The following DOP1A variants were observed in gnomAD, a reference collection of about 807,000 sequenced individuals.
DOP1A encodes DOP1 leucine zipper like protein A.
DOP1A carries 90 observed loss-of-function variants against 267.6 expected under a neutral mutation model. That is an observed-to-expected ratio of 0.34 (90% CI 0.28 to 0.40). DOP1A has a LOEUF of 0.40. Ranked by LOEUF, DOP1A falls within the 10% of genes least tolerant of loss-of-function variation. The pLI is 1.00. For missense variants in DOP1A, 2,437 were observed against 2,900.4 expected, an observed-to-expected ratio of 0.84 and a Z score of 3.67; for synonymous variants, 932 against 999.1, an observed-to-expected ratio of 0.93 and a Z score of 1.27.
Position 83,137,346 on chromosome 6 carries a change from CAGAT to C in DOP1A, c.3308_3311del (p.Ile1103LysfsTer19), listed in dbSNP as rs1354828703. On this transcript the variant is annotated frameshift_variant, in exon 21 of 39. Transcript: ENST00000349129. LOFTEE classifies it high-confidence loss of function. Reference sequence around the variant, plus strand: ...GTCTGATTTTGATCTTCCAGACCAACAGATAGAAATACTTCAGAGTTCTGACTCG... The same window carrying C: ...GTCTGATTTTGATCTTCCAGACCAACAGAAATACTTCAGAGTTCTGACTCG... The C allele has an allele frequency of 6.2e-7, 1 of 1,613,692 alleles. No homozygotes were observed. The highest frequency in any genetic ancestry group is 8.5e-7 in the Non-Finnish European group (1 of 1,179,822).
At chr6:83,068,613 A>G (rs1785092667) in intron 1 of DOP1A, among the ~76,000 whole-genome samples, 1 of 152,246 alleles carries the variant, frequency 6.6e-6, no homozygotes, top group East Asian at 1.9e-4. Context: ...CCTGACAAAT[A>G]GGCCCTGAAC....
At position 83,107,897 on chromosome 6, in the gene DOP1A, T is replaced by C. The variant is rs570053551; in HGVS notation, c.321-1013T>C. Among the ~76,000 whole-genome samples, 16 of 152,246 alleles carry C rather than the reference T, an allele frequency of 1.1e-4. 2 individuals are homozygous for C. The South Asian group carries it at 3.3e-3, about 32-fold the overall frequency. ...TGGAGCAGAGGGTACAGGAGTAAAA[T>C]TGGTGAGTATCAGTGGATTGTACAG... is the stretch of plus-strand genomic sequence containing the variant. On this transcript the variant is annotated intron_variant, in intron 4 of 38. Coordinates refer to ENST00000349129, the MANE Select transcript of DOP1A (RefSeq NM_015018.4).
At chr6:83,102,191 G>T (rs1772713087) in intron 4 of DOP1A, among the ~76,000 whole-genome samples, 1 of 152,146 alleles carries the variant, frequency 6.6e-6, no homozygotes, top group Non-Finnish European at 1.5e-5. Flanking sequence ...CTGTATTAAA[G>T]CTCAATAAAT....
At position 83,138,120 on chromosome 6, in the gene DOP1A, T is replaced by C. The variant is rs1779120415; in HGVS notation, c.4078T>C (p.Phe1360Leu). The change falls in exon 21 of 39, where the codon TTC becomes CTC. Residue 1360 changes from phenylalanine to leucine, a missense_variant. By Grantham distance (22) the Phe-to-Leu change is conservative (BLOSUM62 0). This residue lies in a region of DOP1A where 878 missense variants were observed against 992.9 expected (regional missense o/e 0.88). Coordinates refer to ENST00000349129, the MANE Select transcript of DOP1A (RefSeq NM_015018.4). Reference sequence around the variant, plus strand: ...TCCAGGATCTCGAAAATCTCCCAATTTCAACATTCATCCTCTCTATCAACA... The same window carrying C: ...TCCAGGATCTCGAAAATCTCCCAATCTCAACATTCATCCTCTCTATCAACA... ...GSPGSRKSPNFNIHPLYQHVL... is the reference protein window; with the variant it reads ...GSPGSRKSPNLNIHPLYQHVL... 6.2e-7 allele frequency: 1 copy of C among 1,613,922 alleles called. No homozygotes were observed. The highest frequency in any genetic ancestry group is 8.5e-7 in the Non-Finnish European group (1 of 1,179,886).
chr6:83,136,247 A>G (rs1363847040), intron 20 of DOP1A, among the ~76,000 whole-genome samples: 1 of 152,146 alleles, frequency 6.6e-6, no homozygotes, highest in East Asian at 1.9e-4. Flanking sequence ...TTTGTATTTC[A>G]TGAGTCATTT....
chr6:83,142,186 T>C lies in DOP1A; in HGVS notation c.5541+140T>C, dbSNP rs572459040. ...TCTGTCGACAGCTTTAGATAAATTG[T>C]TGCCTTAATTTCTTTAAGTATTGAT... On this transcript the variant is annotated intron_variant, in intron 24 of 38. Transcript: ENST00000349129. 1.2e-5 allele frequency: 13 copies of C among 1,088,376 alleles called. No individual in the cohort carries two copies. In the East Asian group the frequency reaches 3.0e-4, roughly 25 times the overall value. The allele number at this position is 1,088,376 out of a possible 1,614,324, so 67.4% of individuals were successfully genotyped here.
chr6:83,080,850 T>A (rs2128027023), intron 1 of DOP1A, among the ~76,000 whole-genome samples: 1 of 152,224 alleles, frequency 6.6e-6, no homozygotes, highest in Admixed American at 6.5e-5. Flanking sequence ...ACAGATTCAA[T>A]ACAATTCCTA....
chr6:83,072,312 CAA>C (rs1036570587), intron 1 of DOP1A, among the ~76,000 whole-genome samples: 34 of 141,508 alleles, frequency 2.4e-4, no homozygotes, highest in African/African-American at 8.3e-4. Flanking sequence ...TAACGGTTTC[CAA>C]AAAAAAAAAA....
chr6:83,078,686 C>T (rs1484049409), intron 1 of DOP1A, among the ~76,000 whole-genome samples: 1 of 152,104 alleles, frequency 6.6e-6, no homozygotes, highest in Non-Finnish European at 1.5e-5. Flanking sequence ...AACAGAGGTA[C>T]TGTGAAATGG....
At chr6:83,130,783 G>C (rs1487191275) in intron 17 of DOP1A, among the ~76,000 whole-genome samples, 2 of 151,488 alleles carry the variant, frequency 1.3e-5, no homozygotes, top group Non-Finnish European at 2.9e-5. Context: ...CTGTCAGATA[G>C]GCTGGAGTGC....
intron 1 of DOP1A, chr6:83,072,827 CA>C (rs1785843439): frequency 6.2e-6 from 1 of 161,104 alleles, no homozygotes; most frequent in Non-Finnish European, 1.4e-5. Flanking sequence ...TTATATACCC[CA>C]AATGCCATCG....
intron 1 of DOP1A, among the ~76,000 whole-genome samples, chr6:83,089,352 C>T (rs921503792): frequency 6.6e-6 from 1 of 152,134 alleles, no homozygotes; most frequent in African/African-American, 2.4e-5. Context: ...ATCTGTACTA[C>T]CTACTAATTT....
In DOP1A at chr6:83,153,647, A is replaced by T; in HGVS notation, c.6239+27A>T. 2.6e-6 allele frequency: 4 copies of T among 1,515,030 alleles called. No homozygotes were observed. The South Asian group carries it at 3.8e-5, about 14-fold the overall frequency. 93.8% of individuals were successfully genotyped at this position (1,515,030 alleles called of 1,614,324 possible). ...TACTATCATTATTTAAATAGTTTTT[A>T]AAATTAATTCATAGCCTGTTAGAAA... On this transcript the variant is annotated intron_variant, in intron 31 of 38. Coordinates refer to ENST00000349129, the MANE Select transcript of DOP1A (RefSeq NM_015018.4).
chr6:83,145,414 C>G (rs1263487582), intron 24 of DOP1A, 110 bp from the exon 25 acceptor site: 2 of 1,005,024 alleles, frequency 2.0e-6, no homozygotes, highest in Non-Finnish European at 2.7e-6. Context: ...AAGACCTCAT[C>G]TCCATTTAAA....
chr6:83,159,447 T>A (rs922727369), intron 36 of DOP1A, among the ~76,000 whole-genome samples: 1 of 151,804 alleles, frequency 6.6e-6, no homozygotes. Flanking sequence ...CTAGTGTTTT[T>A]TTTTTTTGTC....
At chr6:83,105,998 G>C (rs1773546526) in intron 4 of DOP1A, among the ~76,000 whole-genome samples, 2 of 152,096 alleles carry the variant, frequency 1.3e-5, no homozygotes, top group Non-Finnish European at 2.9e-5. Flanking sequence ...ACACGTTATG[G>C]AGTAAATGAT....
At chr6:83,115,574 A>T (rs1468988209) in intron 7 of DOP1A, among the ~76,000 whole-genome samples, 1 of 152,116 alleles carries the variant, frequency 6.6e-6, no homozygotes, top group Non-Finnish European at 1.5e-5. Flanking sequence ...TACAAAAAAA[A>T]TTAGCAGGGC....
intron 37 of DOP1A, among the ~76,000 whole-genome samples, chr6:83,162,019 CAAAT>C (rs1784347797): frequency 6.6e-6 from 1 of 151,936 alleles, no homozygotes; most frequent in South Asian, 2.1e-4. Context: ...TAATTTATAT[CAAAT>C]AAATTATATC....
chr6:83,156,428 T>A (rs1382895664), intron 34 of DOP1A, among the ~76,000 whole-genome samples: 1 of 152,196 alleles, frequency 6.6e-6, no homozygotes, highest in Admixed American at 6.5e-5. Flanking sequence ...AGAATTTGTG[T>A]ACTCTGAGAA....
Sources: gnomAD v4.1 joint callset for allele counts (sites outside exome capture counted in the v4.1 genomes callset) on GRCh38, gnomAD v4.1.1 for gene constraint, gnomAD v4.1.1 regional missense constraint, MANE v1.5 for transcripts, NCBI Gene and HGNC (gene_info 2026-07-23, HGNC 2026-07-21) for gene names.